NFIC: variants seen among roughly 807,000 people sequenced by gnomAD.
NFIC encodes the protein nuclear factor I C, also known as nuclear factor 1 C-type.
A neutral mutation model predicts 54.4 loss-of-function variants in NFIC; 12 were observed. The observed-to-expected ratio is 0.22, with a 90% confidence interval of 0.14 to 0.36. NFIC has a LOEUF of 0.36. NFIC is among the 10% of genes least tolerant of loss of function. The probability of loss-of-function intolerance (pLI) is 1.00; values close to 1 mark genes in which losing one functional copy is unlikely to be tolerated. For synonymous variants in NFIC, 322 were observed against 319.2 expected (o/e 1.01, Z -0.09); for missense variants, 575 against 718.2 (o/e 0.80, Z 2.28).
At chr19:3,456,385 G>A (rs1004222217) in intron 9 of NFIC, among the ~76,000 whole-genome samples, 165 bp from the exon 10 acceptor site, 4 of 152,174 alleles carry the variant, frequency 2.6e-5, no homozygotes, top group Admixed American at 6.5e-5. Flanking sequence ...TTTCAGGGGG[G>A]CCCGGTTCAA....
At chr19:3,381,680 C>A (rs924179402) in intron 1 of NFIC, 32 bp from the exon 2 acceptor site, 3 of 1,606,660 alleles carry the variant, frequency 1.9e-6, no homozygotes, top group African/African-American at 2.7e-5. Context: ...GCGTCCCTGG[C>A]GCTCCTGACC....
intron 1 of NFIC, among the ~76,000 whole-genome samples, chr19:3,380,255 T>C (rs576342172): frequency 1.7e-4 from 26 of 150,210 alleles, no homozygotes; most frequent in Non-Finnish European, 2.8e-4. Context: ...CTGCCCGCCT[T>C]GGCCTCCCAA....
chr19:3,404,414 AG>A, intron 2 of NFIC, among the ~76,000 whole-genome samples: 1 of 150,938 alleles, frequency 6.6e-6, no homozygotes, highest in Non-Finnish European at 1.5e-5. Context: ...GATAATGGGG[AG>A]GGGGCGCGGA....
At chr19:3,405,401 G>C (rs1486067112) in intron 2 of NFIC, among the ~76,000 whole-genome samples, 1 of 152,120 alleles carries the variant, frequency 6.6e-6, no homozygotes, top group African/African-American at 2.4e-5. Flanking sequence ...ACAAGGGCTG[G>C]GCAGGGGTTT....
intron 6 of NFIC, among the ~76,000 whole-genome samples, chr19:3,439,328 T>C (rs1207907027): frequency 1.6e-5 from 1 of 61,586 alleles, no homozygotes; most frequent in African/African-American, 6.7e-5. Flanking sequence ...AGAAAGACCC[T>C]GTCTCAAAAA....
intron 4 of NFIC, 138 bp downstream of exon 4, chr19:3,433,730 G>A: frequency 6.1e-6 from 6 of 978,816 alleles, no homozygotes; most frequent in East Asian, 5.5e-5. Context: ...TTCCTAGAAA[G>A]GGAGGTGGCC....
intron 2 of NFIC, among the ~76,000 whole-genome samples, chr19:3,398,706 C>G (rs2081504718): frequency 6.6e-6 from 1 of 152,184 alleles, no homozygotes; most frequent in African/African-American, 2.4e-5. Flanking sequence ...CCACAGACAG[C>G]CCGGGACAGG....
chr19:3,399,964 C>T (rs1182683446), intron 2 of NFIC, among the ~76,000 whole-genome samples: 4 of 152,196 alleles, frequency 2.6e-5, no homozygotes, highest in Admixed American at 1.3e-4. Context: ...GCGGGAGGAT[C>T]GCTTGAGCCC....
intron 1 of NFIC, among the ~76,000 whole-genome samples, chr19:3,378,261 C>CAAA (rs77487928): frequency 1.9e-5 from 1 of 51,686 alleles, no homozygotes. Flanking sequence ...AACTCTGTCT[C>CAAA]AAAAAAAAAA....
intron 7 of NFIC, among the ~76,000 whole-genome samples, chr19:3,451,647 AAG>A (rs2082464959): frequency 1.3e-5 from 2 of 151,090 alleles, no homozygotes; most frequent in Non-Finnish European, 1.5e-5. Context: ...AAAAAAAAAA[AAG>A]ATCACTATTC....
chr19:3,409,654 G>A (rs1056311613), intron 2 of NFIC, among the ~76,000 whole-genome samples: 3 of 152,162 alleles, frequency 2.0e-5, no homozygotes, highest in African/African-American at 4.8e-5. Flanking sequence ...GTGCTCCCGG[G>A]CGGGAAGGGT....
intron 3 of NFIC, among the ~76,000 whole-genome samples, chr19:3,428,810 C>A (rs1340996436): frequency 6.6e-6 from 1 of 151,944 alleles, no homozygotes; most frequent in Non-Finnish European, 1.5e-5. Context: ...AAACAGGAAA[C>A]CCCGGTCGGG....
At chr19:3,450,168 AC>A (rs1230300373) in intron 7 of NFIC, among the ~76,000 whole-genome samples, 4 of 149,714 alleles carry the variant, frequency 2.7e-5, no homozygotes, top group Non-Finnish European at 4.4e-5. Flanking sequence ...ACATGGTGAA[AC>A]CCCGTCTCTA....
chr19:3,376,481 C>T (rs927869398), intron 1 of NFIC, among the ~76,000 whole-genome samples: 1 of 147,710 alleles, frequency 6.8e-6, no homozygotes, highest in Non-Finnish European at 1.5e-5. Flanking sequence ...AGAAAATATC[C>T]CAGTGCCTTA....
intron 3 of NFIC, among the ~76,000 whole-genome samples, chr19:3,430,829 G>C (rs190060377): frequency 1.2e-3 from 175 of 151,628 alleles, no homozygotes; most frequent in Admixed American, 2.1e-3. Context: ...CTACTTGGGA[G>C]GCTGAGACAG....
At position 3,395,492 on chromosome 19, in the gene NFIC, A is replaced by ATTT. The variant is rs530190180; in HGVS notation, c.562+13265_562+13267dup. On this transcript the variant is annotated intron_variant, in intron 2 of 10. Coordinates refer to ENST00000443272, the MANE Select transcript of NFIC (RefSeq NM_001245002.2). ...TTACAGGCGCATACCACCATGGTTG[A>ATTT]TTTTTTTTTTTTTTTTTTAGTAGAG... Among the ~76,000 whole-genome samples, 172 of 130,844 alleles carry ATTT rather than the reference A, an allele frequency of 1.3e-3. 1 individual carries two copies. The highest frequency in any genetic ancestry group is 4.6e-3 in the African/African-American group (161 of 35,082). The allele number at this position is 130,844 out of a possible 152,430, so 85.8% of individuals were successfully genotyped here.
In NFIC at chr19:3,385,203, C is replaced by CA. The variant is rs993934822; in HGVS notation, c.562+2960_562+2961insA. On this transcript the variant is annotated intron_variant, in intron 2 of 10. Transcript: ENST00000443272. ...CCCAATTGGCCCCAGCAGGGCACAC[C>CA]CCCCCCCAACCCTCCCACCTGCCCA... Among the ~76,000 whole-genome samples the CA allele has an allele frequency of 6.7e-5, 10 of 149,948 alleles. No individual in the cohort carries two copies. The East Asian group carries it at 1.2e-3, about 18-fold the overall frequency.
At position 3,453,532 on chromosome 19, in the gene NFIC, G is replaced by A. The variant is rs904847980; in HGVS notation, c.1270-231G>A. On this transcript the variant is annotated intron_variant, in intron 8 of 10. Transcript: ENST00000443272. This position sits in a 1 kb window ranked among gnomAD's most constrained non-coding sequence, Gnocchi z 6.7. ...GGTTTACAGAGGAGATGCAGTGAGC[G>A]TGGCCCCAGTAGTGCCGGGCTTTGA... is the stretch of plus-strand genomic sequence containing the variant. Among the ~76,000 whole-genome samples, 7 of 152,272 alleles carry A rather than the reference G, an allele frequency of 4.6e-5. 1 individual carries two copies. In the South Asian group the frequency reaches 6.2e-4, roughly 14 times the overall value.
At chr19:3,457,548 T>G (rs899798176) in intron 10 of NFIC, among the ~76,000 whole-genome samples, 1 of 151,994 alleles carries the variant, frequency 6.6e-6, no homozygotes, top group African/African-American at 2.4e-5. Flanking sequence ...TCTCCCCGGT[T>G]TGTGTTGGGG....
Sources: gnomAD v4.1 joint callset for allele counts (sites outside exome capture counted in the v4.1 genomes callset) on GRCh38, gnomAD v4.1.1 for gene constraint, Gnocchi (gnomAD v3.1) non-coding constraint, MANE v1.5 for transcripts, NCBI Gene and HGNC (gene_info 2026-07-23, HGNC 2026-07-21) for gene names.